The following FSTL4 variants were observed in gnomAD, a reference collection of about 807,000 sequenced individuals.
FSTL4 encodes the protein follistatin-related protein 4.
FSTL4 carries 28 observed loss-of-function variants against 78.2 expected under a neutral mutation model. The ratio of observed to expected loss-of-function variants is 0.36; its 90% confidence interval spans 0.27 to 0.49. The LOEUF (loss-of-function observed/expected upper bound fraction) is 0.49. FSTL4 is among the 20% of genes least tolerant of loss of function. FSTL4 has a pLI of 0.98. For synonymous variants in FSTL4, 422 were observed against 440.5 expected, an observed-to-expected ratio of 0.96 and a Z score of 0.53; for missense variants, 922 against 1,084.9, an observed-to-expected ratio of 0.85 and a Z score of 2.11.
chr5:133,411,628 T>C (rs1756479565), intron 3 of FSTL4, among the ~76,000 whole-genome samples: 1 of 152,204 alleles, frequency 6.6e-6, no homozygotes, highest in Admixed American at 6.5e-5. Context: ...ACTCCTTAAA[T>C]AGCCAATCAC....
the FSTL4 span, among the ~76,000 whole-genome samples, chr5:133,823,752 T>C: frequency 6.6e-6 from 1 of 152,106 alleles, no homozygotes. Context: ...ATTGGGTGGC[T>C]TTCTGACCAA....
the FSTL4 span, among the ~76,000 whole-genome samples, chr5:133,755,847 A>G: frequency 3.3e-5 from 5 of 152,264 alleles, no homozygotes; most frequent in African/African-American, 4.8e-5. Context: ...AACTGTGTTC[A>G]GCCCATCTTC....
the FSTL4 span, among the ~76,000 whole-genome samples, chr5:133,818,755 C>T: frequency 1.3e-5 from 2 of 151,028 alleles, no homozygotes; most frequent in Admixed American, 6.6e-5. Flanking sequence ...CACCCCTACA[C>T]CTTCCCCTGC....
the FSTL4 span, among the ~76,000 whole-genome samples, chr5:133,630,983 T>C: frequency 6.6e-6 from 1 of 152,162 alleles, no homozygotes; most frequent in Non-Finnish European, 1.5e-5. Flanking sequence ...TTACACCTTA[T>C]ACAAAAATTA....
At chr5:133,308,458 C>T (rs548777319) in intron 6 of FSTL4, among the ~76,000 whole-genome samples, 2 of 152,286 alleles carry the variant, frequency 1.3e-5, no homozygotes, top group South Asian at 4.2e-4. Context: ...CTCACCCTAC[C>T]TAGATAAAGA....
chr5:133,805,975 A>C, the FSTL4 span, among the ~76,000 whole-genome samples: 7 of 152,194 alleles, frequency 4.6e-5, no homozygotes, highest in Non-Finnish European at 1.0e-4. Flanking sequence ...CCAGTTCACC[A>C]AGTTGCCTGC....
At chr5:133,800,115 T>C in the FSTL4 span, among the ~76,000 whole-genome samples, 1 of 138,786 alleles carries the variant, frequency 7.2e-6, no homozygotes, top group Non-Finnish European at 1.6e-5. Context: ...GGAATTCAGG[T>C]AGCTATCAGA....
intron 12 of FSTL4, among the ~76,000 whole-genome samples, chr5:133,220,341 T>C (rs577980883): frequency 6.6e-6 from 1 of 152,260 alleles, no homozygotes; most frequent in Non-Finnish European, 1.5e-5. Context: ...CTTTCCTGGA[T>C]CCTCTATCAG....
At chr5:133,605,652 C>T (rs919803567) in intron 1 of FSTL4, among the ~76,000 whole-genome samples, 1 of 152,178 alleles carries the variant, frequency 6.6e-6, no homozygotes, top group African/African-American at 2.4e-5. Flanking sequence ...AAGTCAGACT[C>T]AAAATTGTGG....
intron 3 of FSTL4, among the ~76,000 whole-genome samples, chr5:133,465,511 G>T (rs530139155): frequency 6.6e-6 from 1 of 152,366 alleles, no homozygotes; most frequent in Non-Finnish European, 1.5e-5. Flanking sequence ...CCAGCCCATG[G>T]TGGGAGCGGT....
intron 3 of FSTL4, among the ~76,000 whole-genome samples, chr5:133,520,683 T>G (rs1468832816): frequency 1.3e-5 from 2 of 152,154 alleles, no homozygotes; most frequent in African/African-American, 4.8e-5. Context: ...AAGAGCAGGG[T>G]TGCTTTTATG....
intron 3 of FSTL4, among the ~76,000 whole-genome samples, chr5:133,441,106 G>T (rs1757151102): frequency 1.3e-5 from 2 of 152,136 alleles, no homozygotes. Context: ...GGGAGATGGG[G>T]AAATGAAAGA....
At chr5:133,389,285 T>C (rs1449059923) in intron 4 of FSTL4, among the ~76,000 whole-genome samples, 3 of 152,210 alleles carry the variant, frequency 2.0e-5, no homozygotes, top group African/African-American at 7.2e-5. Context: ...CTGTTTACTC[T>C]CACTGCAGCC....
intron 3 of FSTL4, among the ~76,000 whole-genome samples, chr5:133,528,119 G>A (rs1759173649): frequency 6.6e-6 from 1 of 152,184 alleles, no homozygotes; most frequent in Non-Finnish European, 1.5e-5. Context: ...CAGGTAAAAT[G>A]CCATGTCCCC....
At chr5:133,827,256 G>C in the FSTL4 span, among the ~76,000 whole-genome samples, 1 of 152,258 alleles carries the variant, frequency 6.6e-6, no homozygotes, top group African/African-American at 2.4e-5. Context: ...CCAACTAAGT[G>C]AGCCCCCAGC....
intron 6 of FSTL4, 25 bp from the exon 7 acceptor site, chr5:133,249,601 G>A (rs778343838): frequency 3.1e-6 from 5 of 1,595,384 alleles, no homozygotes; most frequent in South Asian, 1.1e-5. Context: ...GAGGAGGCAC[G>A]GTCAGGTGCA....
chr5:133,303,698 C>G (rs972248211), intron 6 of FSTL4, among the ~76,000 whole-genome samples: 1 of 152,192 alleles, frequency 6.6e-6, no homozygotes, highest in African/African-American at 2.4e-5. Flanking sequence ...TGTCATGGAG[C>G]CTGAGAACAG....
At chr5:133,247,030 G>T (rs1752056653) in intron 7 of FSTL4, 1 of 152,220 alleles carries the variant, frequency 6.6e-6, no homozygotes, top group Admixed American at 6.5e-5. Context: ...CCAGGCTCAT[G>T]CCCTTCCCTA....
At chr5:133,716,885 C>T in the FSTL4 span, among the ~76,000 whole-genome samples, 15 of 152,200 alleles carry the variant, frequency 9.9e-5, 1 homozygote. Context: ...TCTTAAATTA[C>T]TGAATTGGAA....
Sources: gnomAD v4.1 joint callset for allele counts (sites outside exome capture counted in the v4.1 genomes callset) on GRCh38, gnomAD v4.1.1 for gene constraint, MANE v1.5 for transcripts, NCBI Gene and HGNC (gene_info 2026-07-23, HGNC 2026-07-21) for gene names.